FRMD5: variants seen among roughly 807,000 people sequenced by gnomAD.
The protein encoded by FRMD5 is FERM domain containing 5.
Under a neutral mutation model 69.0 loss-of-function variants are expected in FRMD5, and 20 were observed. That is an observed-to-expected ratio of 0.29 (90% CI 0.20 to 0.42). The LOEUF (loss-of-function observed/expected upper bound fraction) is 0.42, where lower values mean the gene tolerates loss of function less well. FRMD5 is among the 10% of genes least tolerant of loss of function. The pLI, the probability that FRMD5 is intolerant of heterozygous loss-of-function variation, is 1.00. For missense variants in FRMD5, 595 were observed against 708.6 expected, an observed-to-expected ratio of 0.84 and a Z score of 1.82; for synonymous variants, 271 against 260.1, an observed-to-expected ratio of 1.04 and a Z score of -0.40.
chr15:44,101,156 AAAAC>A (rs1389387173), intron 1 of FRMD5, among the ~76,000 whole-genome samples: 1 of 144,040 alleles, frequency 6.9e-6, no homozygotes, highest in Admixed American at 6.8e-5. Context: ...CTCAAAAAAA[AAAAC>A]AACAAACAAA....
intron 1 of FRMD5, among the ~76,000 whole-genome samples, chr15:43,947,035 T>C (rs1425956942): frequency 1.3e-5 from 2 of 152,228 alleles, no homozygotes; most frequent in Non-Finnish European, 2.9e-5. Flanking sequence ...CTTGTCAATT[T>C]GAGGTGAACT....
chr15:44,115,809 T>C (rs546700845), intron 1 of FRMD5, among the ~76,000 whole-genome samples: 1 of 152,312 alleles, frequency 6.6e-6, no homozygotes, highest in South Asian at 2.1e-4. Flanking sequence ...AAAAAACTGC[T>C]ACAAAGGTAG....
chr15:44,124,079 C>T (rs1222182809), intron 1 of FRMD5, among the ~76,000 whole-genome samples: 1 of 152,088 alleles, frequency 6.6e-6, no homozygotes, highest in African/African-American at 2.4e-5. Context: ...GCAACCTCTG[C>T]CTCCTTGGGT....
chr15:43,879,864 C>T (rs1162376264), intron 13 of FRMD5: 1 of 386,906 alleles, frequency 2.6e-6, no homozygotes, highest in African/African-American at 2.1e-5. Flanking sequence ...CCTCCCCAAG[C>T]TTCACATCAG....
intron 1 of FRMD5, among the ~76,000 whole-genome samples, chr15:43,955,377 G>A (rs1250577561): frequency 2.0e-5 from 3 of 152,120 alleles, no homozygotes; most frequent in Non-Finnish European, 4.4e-5. Context: ...TAGACCAAGG[G>A]CAAGTCACCT....
At chr15:43,935,750 G>A (rs1054217658) in intron 1 of FRMD5, among the ~76,000 whole-genome samples, 1 of 152,160 alleles carries the variant, frequency 6.6e-6, no homozygotes, top group Admixed American at 6.5e-5. Context: ...TGAGGCCTCT[G>A]GCGCATCCCT....
chr15:43,899,736 A>G (rs1017834013), intron 7 of FRMD5, among the ~76,000 whole-genome samples: 1 of 152,182 alleles, frequency 6.6e-6, no homozygotes, highest in African/African-American at 2.4e-5. Flanking sequence ...CCTGGTATGA[A>G]TGCTGGTTCC....
At chr15:44,157,314 C>T (rs1181740858) in intron 1 of FRMD5, among the ~76,000 whole-genome samples, 1 of 152,138 alleles carries the variant, frequency 6.6e-6, no homozygotes, top group African/African-American at 2.4e-5. Flanking sequence ...CAATCAGTAT[C>T]AATGCAGGCA....
chr15:43,944,974 G>C (rs1287493423), intron 1 of FRMD5, among the ~76,000 whole-genome samples: 3 of 144,346 alleles, frequency 2.1e-5, no homozygotes, highest in Non-Finnish European at 3.0e-5. Context: ...TTTTTTGATA[G>C]AGGGGGGGTT....
At chr15:44,188,166 G>T (rs906577094) in intron 1 of FRMD5, among the ~76,000 whole-genome samples, 2 of 152,108 alleles carry the variant, frequency 1.3e-5, no homozygotes, top group African/African-American at 4.8e-5. Flanking sequence ...ATAATCTACT[G>T]TTTTTAGGTC....
chr15:44,153,905 T>A (rs146247450), intron 1 of FRMD5, among the ~76,000 whole-genome samples: 134 of 151,932 alleles, frequency 8.8e-4, no homozygotes, highest in Middle Eastern at 3.4e-3. Flanking sequence ...GAGGTAGAGG[T>A]TGCAGTAAGC....
At chr15:43,989,738 G>A in intron 1 of FRMD5, 1 of 1,017,328 alleles carries the variant, frequency 9.8e-7, no homozygotes, top group South Asian at 1.3e-5. Flanking sequence ...CACGATGTCA[G>A]TGGTAGGCCA....
Position 44,119,376 on chromosome 15 carries a change from G to C in FRMD5, c.102+75577C>G, listed in dbSNP as rs1327525430. On this transcript the variant is annotated intron_variant, in intron 1 of 13. Transcript: ENST00000417257. ...ATCCATGTAAAGGGAGGTAAGCAAG[G>C]CTACTGACTTCGAGACGTACAGTGA... 2.0e-5 allele frequency among the ~76,000 whole-genome samples: 3 copies of C among 152,112 alleles called. 1 individual carries two copies. The highest frequency in any genetic ancestry group is 7.2e-5 in the African/African-American group (3 of 41,422).
chr15:44,087,961 A>G (rs1338710063), intron 1 of FRMD5, among the ~76,000 whole-genome samples: 1 of 152,142 alleles, frequency 6.6e-6, no homozygotes, highest in East Asian at 1.9e-4. Context: ...GGTGAGTCAC[A>G]TTGTCTGAGA....
chr15:43,989,907 G>C (rs1208335815), intron 1 of FRMD5: 1 of 1,151,072 alleles, frequency 8.7e-7, no homozygotes, highest in Non-Finnish European at 1.3e-6. Flanking sequence ...CACACAGCTC[G>C]TTGTAGAAGG....
chr15:43,999,965 T>TATATATATGCCATGC (rs1566889843), intron 1 of FRMD5, among the ~76,000 whole-genome samples: 1 of 75,434 alleles, frequency 1.3e-5, no homozygotes, highest in South Asian at 4.4e-4. Flanking sequence ...TATATATATA[T>TATATATATGCCATGC]ATATATATAT....
chr15:43,988,911 C>T, intron 1 of FRMD5: 1 of 510,204 alleles, frequency 2.0e-6, no homozygotes, highest in South Asian at 1.7e-5. Context: ...CAACTGCTGT[C>T]ACCTTCACCA....
At chr15:44,182,203 GT>G (rs1448934011) in intron 1 of FRMD5, among the ~76,000 whole-genome samples, 1 of 151,320 alleles carries the variant, frequency 6.6e-6, no homozygotes, top group Non-Finnish European at 1.5e-5. Flanking sequence ...TAAAGACAGG[GT>G]TTCATCTTGT....
At chr15:44,160,639 G>T (rs552379525) in intron 1 of FRMD5, among the ~76,000 whole-genome samples, 1 of 152,292 alleles carries the variant, frequency 6.6e-6, no homozygotes, top group South Asian at 2.1e-4. Flanking sequence ...AAGCTAAATA[G>T]TATCTGATTA....
Sources: gnomAD v4.1 joint callset for allele counts (sites outside exome capture counted in the v4.1 genomes callset) on GRCh38, gnomAD v4.1.1 for gene constraint, MANE v1.5 for transcripts, NCBI Gene and HGNC (gene_info 2026-07-23, HGNC 2026-07-21) for gene names.